The following SMOC2 variants were observed in gnomAD, a reference collection of about 807,000 sequenced individuals.
SMOC2 encodes SPARC-related modular calcium-binding protein 2.
SMOC2 carries 39 observed loss-of-function variants against 61.4 expected under a neutral mutation model. The ratio of observed to expected loss-of-function variants is 0.64; its 90% CI spans 0.49 to 0.83. The LOEUF is 0.83. Ranked by LOEUF, SMOC2 falls within the 40% of genes least tolerant of loss-of-function variation. SMOC2 has a pLI of 0.00. For synonymous variants in SMOC2, 247 were observed against 239.9 expected, an observed-to-expected ratio of 1.03 and a Z score of -0.27; for missense variants, 556 against 592.9, an observed-to-expected ratio of 0.94 and a Z score of 0.65.
At chr6:168,632,634 A>C (rs1366777603) in intron 9 of SMOC2, among the ~76,000 whole-genome samples, 1 of 152,180 alleles carries the variant, frequency 6.6e-6, no homozygotes, top group Admixed American at 6.5e-5. Flanking sequence ...ATTTTGAGCT[A>C]TGATTTTTTG....
At chr6:168,629,715 T>C (rs746322926) in intron 9 of SMOC2, among the ~76,000 whole-genome samples, 3 of 152,054 alleles carry the variant, frequency 2.0e-5, no homozygotes, top group Non-Finnish European at 1.5e-5. Flanking sequence ...GTGGACTGAG[T>C]GGGCAGCTGA....
At chr6:168,445,047 G>GCA (rs1168734791) in intron 1 of SMOC2, among the ~76,000 whole-genome samples, 1 of 152,114 alleles carries the variant, frequency 6.6e-6, no homozygotes, top group Non-Finnish European at 1.5e-5. Context: ...AAGGTCATAC[G>GCA]CACGACTTCG....
chr6:168,451,027 C>A (rs1781448575), intron 1 of SMOC2, among the ~76,000 whole-genome samples: 1 of 152,178 alleles, frequency 6.6e-6, no homozygotes, highest in African/African-American at 2.4e-5. Flanking sequence ...GATCCTGTTT[C>A]TTCCCGTGAA....
Position 168,553,319 on chromosome 6 carries a change from G to T in SMOC2, c.637+4116G>T, listed in dbSNP as rs1784172627. Among the ~76,000 whole-genome samples, 2 of 152,112 alleles carry T rather than the reference G, an allele frequency of 1.3e-5. No homozygotes were observed. The highest frequency in any genetic ancestry group is 2.9e-5 in the Non-Finnish European group (2 of 68,018). ...ATAAAATTGTGTTACTTCTTTTACT[G>T]TCTCAAATCATCTTTGTTTTATTAC... On this transcript the variant is annotated intron_variant, in intron 7 of 12. Coordinates refer to ENST00000356284, the MANE Select transcript of SMOC2 (RefSeq NM_001166412.2). This position sits in a 1 kb window ranked among gnomAD's most constrained non-coding sequence, Gnocchi z 4.2.
chr6:168,649,960 G>T (rs565577620), intron 9 of SMOC2, among the ~76,000 whole-genome samples: 1 of 152,324 alleles, frequency 6.6e-6, no homozygotes, highest in East Asian at 1.9e-4. Flanking sequence ...TGAATTTGGG[G>T]TGGGACGAGT....
chr6:168,614,372 A>AT (rs1785989859), intron 9 of SMOC2, among the ~76,000 whole-genome samples: 1 of 92,850 alleles, frequency 1.1e-5, no homozygotes, highest in Non-Finnish European at 2.1e-5. Context: ...CAGCCAGCAC[A>AT]GGGCCTCTTC....
At chr6:168,482,592 A>G (rs895642276) in intron 1 of SMOC2, among the ~76,000 whole-genome samples, 5 of 152,088 alleles carry the variant, frequency 3.3e-5, no homozygotes, top group Non-Finnish European at 7.4e-5. Flanking sequence ...CCAGACAAAG[A>G]CACTCTAAGA....
chr6:168,664,002 G>C (rs1341748862), intron 11 of SMOC2, 72 bp from the exon 12 acceptor site: 42 of 1,333,804 alleles, frequency 3.1e-5, no homozygotes, highest in Non-Finnish European at 3.7e-5. Flanking sequence ...ACTCCTTCCT[G>C]AAATTGTGTT....
At chr6:168,492,007 C>G (rs139988455) in intron 1 of SMOC2, among the ~76,000 whole-genome samples, 1 of 152,154 alleles carries the variant, frequency 6.6e-6, no homozygotes, top group Non-Finnish European at 1.5e-5. Flanking sequence ...AGGAAGTCTC[C>G]TAATTCTGAA....
At chr6:168,464,229 GA>G (rs1345315702) in intron 1 of SMOC2, among the ~76,000 whole-genome samples, 2 of 149,196 alleles carry the variant, frequency 1.3e-5, no homozygotes, top group African/African-American at 4.9e-5. Context: ...AAGGAAGGAA[GA>G]AAAGGAAGGA....
At chr6:168,579,740 G>C (rs1248201075) in intron 7 of SMOC2, among the ~76,000 whole-genome samples, 1 of 152,164 alleles carries the variant, frequency 6.6e-6, no homozygotes, top group Non-Finnish European at 1.5e-5. Flanking sequence ...TGGTGGGTGG[G>C]GGTGGCCTTT....
chr6:168,647,834 AAGCATT>A (rs1412390176), intron 9 of SMOC2, among the ~76,000 whole-genome samples: 4 of 152,132 alleles, frequency 2.6e-5, no homozygotes, highest in African/African-American at 9.7e-5. Flanking sequence ...CATCAGTAAC[AAGCATT>A]ATTCCAGGTC....
At chr6:168,442,554 G>A (rs1400381997) in intron 1 of SMOC2, among the ~76,000 whole-genome samples, 1 of 152,262 alleles carries the variant, frequency 6.6e-6, no homozygotes, top group East Asian at 1.9e-4. Flanking sequence ...AAAACACGAA[G>A]GTAGTGAGAA....
At chr6:168,621,474 C>A (rs1786243885) in intron 9 of SMOC2, among the ~76,000 whole-genome samples, 1 of 152,154 alleles carries the variant, frequency 6.6e-6, no homozygotes, top group South Asian at 2.1e-4. Context: ...GTTTTATTTA[C>A]AATTTTGCTC....
chr6:168,602,248 C>T (rs188300829), intron 8 of SMOC2, among the ~76,000 whole-genome samples: 1 of 152,270 alleles, frequency 6.6e-6, no homozygotes, highest in African/African-American at 2.4e-5. Flanking sequence ...TCACTCGACT[C>T]TCTGGAGACA....
At chr6:168,542,976 A>G (rs962350447) in intron 4 of SMOC2, among the ~76,000 whole-genome samples, 1 of 152,256 alleles carries the variant, frequency 6.6e-6, no homozygotes, top group Non-Finnish European at 1.5e-5. Flanking sequence ...TTCAACTGCC[A>G]GTAAACTCTG....
chr6:168,642,820 G>A (rs911946), intron 9 of SMOC2, among the ~76,000 whole-genome samples: 137,148 of 152,282 alleles, frequency 0.9, 61,909 homozygotes, highest in African/African-American at 0.94. Flanking sequence ...TAAACTGCAT[G>A]GAAAGTTAAA....
At chr6:168,517,801 G>A (rs952444955) in intron 2 of SMOC2, among the ~76,000 whole-genome samples, 1 of 152,224 alleles carries the variant, frequency 6.6e-6, no homozygotes, top group Non-Finnish European at 1.5e-5. Context: ...GGAACCCCCT[G>A]TGGGGGTGAA....
At chr6:168,591,681 G>A (rs1196859029) in intron 7 of SMOC2, among the ~76,000 whole-genome samples, 2 of 149,932 alleles carry the variant, frequency 1.3e-5, no homozygotes, top group Non-Finnish European at 3.0e-5. Flanking sequence ...ATGCATGTGT[G>A]TATTAAAAGT....
Sources: gnomAD v4.1 joint callset for allele counts (sites outside exome capture counted in the v4.1 genomes callset) on GRCh38, gnomAD v4.1.1 for gene constraint, Gnocchi (gnomAD v3.1) non-coding constraint, MANE v1.5 for transcripts, NCBI Gene and HGNC (gene_info 2026-07-23, HGNC 2026-07-21) for gene names.